Variants in ACADS observed in about 807,000 individuals in gnomAD.
ACADS encodes acyl-CoA dehydrogenase short chain, also known as short-chain specific acyl-CoA dehydrogenase, mitochondrial.
In ACADS, 28 loss-of-function variants were observed where a neutral mutation model predicts 46.8. That is an observed-to-expected ratio of 0.60 (90% CI 0.44 to 0.82). The LOEUF (loss-of-function observed/expected upper bound fraction) is 0.82, where lower values mean the gene tolerates loss of function less well. Among genes scored for constraint, ACADS ranks in the 40% least tolerant of loss-of-function variants. ACADS has a pLI of 0.00. For missense variants in ACADS, 528 were observed against 578.0 expected, an observed-to-expected ratio of 0.91 and a Z score of 0.89; for synonymous variants, 236 against 237.7, an observed-to-expected ratio of 0.99 and a Z score of 0.07.
Position 120,737,445 on chromosome 12 carries a change from C to T in ACADS, c.450C>T (p.Gly150=), listed in dbSNP as rs1325429821. 6.2e-7 allele frequency: 1 copy of T among 1,614,130 alleles called. No homozygotes were observed. Among genetic ancestry groups the T allele is most frequent in the Non-Finnish European group, 8.5e-7 (1 of 1,179,988 alleles). ...VTPFTSGDKI[G]CFALSEPGNG... Reference sequence around the variant, plus strand: ...CTTTCACCAGTGGTGACAAAATTGGCTGCTTTGCCCTCAGCGAACCAGGTA... The same window carrying T: ...CTTTCACCAGTGGTGACAAAATTGGTTGCTTTGCCCTCAGCGAACCAGGTA... Residue 150 remains glycine, a synonymous_variant, in exon 4 of 10, where the codon GGC becomes GGT. Coordinates refer to ENST00000242592, the MANE Select transcript of ACADS (RefSeq NM_000017.4).
chr12:120,727,966 G>T (rs370359088), intron 2 of ACADS, among the ~76,000 whole-genome samples: 4 of 151,186 alleles, frequency 2.6e-5, no homozygotes, highest in East Asian at 1.9e-4. Context: ...ATTTTTTTTT[G>T]AAATGGACTC....
rs575656842 is a variant in ACADS at position 120,733,851 on chromosome 12, A to AG, written c.211-3135_211-3134insG. ...AACATAGCAAGACCCCATCTCTACC[A>AG]AAAAAAAAAAAAAAAAATAGAAAAA... On this transcript the variant is annotated intron_variant, in intron 2 of 9. Coordinates refer to ENST00000242592, the MANE Select transcript of ACADS (RefSeq NM_000017.4). Among the ~76,000 whole-genome samples the AG allele has an allele frequency of 1.2e-4, 7 of 60,762 alleles. No homozygotes were observed. The South Asian group carries it at 1.6e-3, about 14-fold the overall frequency. 39.9% of individuals were successfully genotyped at this position (60,762 alleles called of 152,430 possible).
chr12:120,735,474 TC>T (rs1883405019), intron 2 of ACADS, among the ~76,000 whole-genome samples: 1 of 151,172 alleles, frequency 6.6e-6, no homozygotes, highest in Non-Finnish European at 1.5e-5. Flanking sequence ...CAGTCAGGCC[TC>T]AGAACAGTCC....
In ACADS at chr12:120,728,065, C is replaced by T. The variant is rs533533996; in HGVS notation, c.210+876C>T. 2.6e-5 allele frequency among the ~76,000 whole-genome samples: 4 copies of T among 152,246 alleles called. No homozygotes were observed. The highest frequency in any genetic ancestry group is 4.1e-4 in the South Asian group (2 of 4,830). On this transcript the variant is annotated intron_variant, in intron 2 of 9. Transcript: ENST00000242592. This position sits in a 1 kb window ranked among gnomAD's most constrained non-coding sequence, Gnocchi z 4.0. ...CTGGGTTCAAGCAATTCTCCTGCCTCGGCCCCCAGTAGCTGGGATTACAGG... is the reference window on the plus strand; with the variant it reads ...CTGGGTTCAAGCAATTCTCCTGCCTTGGCCCCCAGTAGCTGGGATTACAGG...
At chr12:120,734,951 C>T (rs988373700) in intron 2 of ACADS, among the ~76,000 whole-genome samples, 1 of 151,068 alleles carries the variant, frequency 6.6e-6, no homozygotes, top group Non-Finnish European at 1.5e-5. Context: ...ATGGTTTCAC[C>T]ACGTTGGCCA....
In ACADS at chr12:120,738,000, CAG is replaced by C. The variant is rs1343313474; in HGVS notation, c.624+17_624+18del. The C allele has an allele frequency of 3.1e-6, 5 of 1,613,456 alleles. No individual in the cohort carries two copies. Among genetic ancestry groups the C allele is most frequent in the African/African-American group, 1.3e-5 (1 of 74,934 alleles). Reference sequence around the variant, plus strand: ...CCCTGCAAAACAAGGTGGGCCCACCCAGAGAGGGGTTCAGCCGGATCCTGGGC... The same window carrying C: ...CCCTGCAAAACAAGGTGGGCCCACCCAGAGGGGTTCAGCCGGATCCTGGGC... On this transcript the variant is annotated intron_variant, in intron 5 of 9. Transcript: ENST00000242592.
rs1883164514 is a variant in ACADS, at chr12:120,728,830, C to T, written c.210+1641C>T. 6.6e-6 allele frequency among the ~76,000 whole-genome samples: 1 copy of T among 152,182 alleles called. No individual in the cohort carries two copies. Among genetic ancestry groups the T allele is most frequent in the Non-Finnish European group, 1.5e-5 (1 of 68,034 alleles). On this transcript the variant is annotated intron_variant, in intron 2 of 9. Coordinates refer to ENST00000242592, the MANE Select transcript of ACADS (RefSeq NM_000017.4). The surrounding 1 kb of genome is among the most constrained non-coding windows in gnomAD (Gnocchi z 4.0). Reference sequence around the variant, plus strand: ...CCTTAAAAATGAGTTTTAAAAGGGACGTAAAACATTGTTTTTATATGAGGG... The same window carrying T: ...CCTTAAAAATGAGTTTTAAAAGGGATGTAAAACATTGTTTTTATATGAGGG...
At chr12:120,737,331 C>T (rs775134915) in intron 3 of ACADS, 25 bp from the exon 4 acceptor site, 23 of 1,607,852 alleles carry the variant, frequency 1.4e-5, no homozygotes, top group South Asian at 3.3e-5. Flanking sequence ...CTGGGGCCTC[C>T]GACCGCTCCC....
chr12:120,735,271 CAAAAAAA>C (rs71076650), intron 2 of ACADS, among the ~76,000 whole-genome samples: 1,598 of 55,638 alleles, frequency 0.029, 52 homozygotes, highest in African/African-American at 0.13. Flanking sequence ...GACTCTGTTT[CAAAAAAA>C]AAAAAAAAAA....
intron 2 of ACADS, among the ~76,000 whole-genome samples, chr12:120,729,258 C>CTTTTT (rs137894149): frequency 8.1e-6 from 1 of 123,108 alleles, no homozygotes; most frequent in Non-Finnish European, 1.6e-5. Flanking sequence ...TTTCTTTTTT[C>CTTTTT]TTTTTTTTTT....
rs750210411 is a variant in ACADS, at chr12:120,737,007, G to C, written c.232G>C (p.Gly78Arg). 3.1e-6 allele frequency: 5 copies of C among 1,610,194 alleles called. No individual in the cohort carries two copies. The highest frequency in any genetic ancestry group is 4.2e-6 in the Non-Finnish European group (5 of 1,178,672). The change falls in exon 3 of 10, where the codon GGG (glycine) becomes CGG (arginine). Residue 78 changes from glycine (G) to arginine (R), a missense_variant. By Grantham distance (125) the Gly-to-Arg change is moderately radical. Coordinates refer to ENST00000242592, the MANE Select transcript of ACADS (RefSeq NM_000017.4). ...AAQVKKMGGL[G>R]LLAMDVPEEL... Reference sequence around the variant, plus strand: ...CCAGGTGAAGAAGATGGGCGGGCTTGGGCTTCTGGCCATGGACGTGCCCGA... The same window carrying C: ...CCAGGTGAAGAAGATGGGCGGGCTTCGGCTTCTGGCCATGGACGTGCCCGA...
At position 120,725,851 on chromosome 12, in the gene ACADS, G is replaced by A. The variant is rs1409352231; in HGVS notation, c.-35G>A. On this transcript the variant is annotated 5_prime_UTR_variant, in exon 1 of 10. Coordinates refer to ENST00000242592, the MANE Select transcript of ACADS (RefSeq NM_000017.4). ...ACTCCGGAACAGCGCGCTCGCAGCG[G>A]GAGGTCGCGAAGCCTGGGACTGTGT... The A allele has an allele frequency of 6.5e-7, 1 of 1,532,636 alleles. No homozygotes were observed. The allele number at this position is 1,532,636 out of a possible 1,614,324, so 94.9% of individuals were successfully genotyped here. A position where few individuals can be genotyped will look rare whatever the true frequency, so the allele number is the denominator to read the frequency against.
rs750672257 is a variant in ACADS at position 120,739,127 on chromosome 12, C to T, written c.1030-13C>T. ...CCCTCAAGGGAAGGCTCTGACTGTA[C>T]CCCCATGTTTAGGAGGCAGCCATGG... On this transcript the variant is annotated splice_polypyrimidine_tract_variant and intron_variant, in intron 8 of 9. Transcript: ENST00000242592. 6.2e-7 allele frequency: 1 copy of T among 1,613,014 alleles called. No individual in the cohort carries two copies. Among genetic ancestry groups the T allele is most frequent in the Admixed American group, 1.7e-5 (1 of 60,030 alleles).
chr12:120,735,272 A>AG (rs1259525147), intron 2 of ACADS, among the ~76,000 whole-genome samples: 1 of 75,530 alleles, frequency 1.3e-5, no homozygotes, highest in Non-Finnish European at 3.0e-5. Flanking sequence ...ACTCTGTTTC[A>AG]AAAAAAAAAA....
In ACADS at chr12:120,727,088, A is replaced by G. The variant is rs1431742956; in HGVS notation, c.109A>G (p.Thr37Ala). The change falls in exon 2 of 10, where the codon ACA becomes GCA. Residue 37 changes from threonine (T) to alanine (A), a missense_variant. Coordinates refer to ENST00000242592, the MANE Select transcript of ACADS (RefSeq NM_000017.4). The stretch of plus-strand genomic sequence containing the variant: ...CTACCAGTCTGTGGAACTGCCCGAG[A>G]CACACCAGATGTTGCTCCAGACATG... ...TIYQSVELPETHQMLLQTCRD... is the reference protein window; with the variant it reads ...TIYQSVELPEAHQMLLQTCRD... The G allele has an allele frequency of 6.2e-7, 1 of 1,614,208 alleles. No homozygotes were observed. Among genetic ancestry groups the G allele is most frequent in the Admixed American group, 1.7e-5 (1 of 60,028 alleles).
rs767769414 is a variant in ACADS at position 120,738,897 on chromosome 12, CAAG to C, written c.1015_1017del (p.Lys339del). The C allele has an allele frequency of 1.9e-6, 3 of 1,613,720 alleles. No homozygotes were observed. The South Asian group carries it at 3.3e-5, about 18-fold the overall frequency. On this transcript the variant is annotated inframe_deletion, in exon 8 of 10. Coordinates refer to ENST00000242592, the MANE Select transcript of ACADS (RefSeq NM_000017.4). Reference sequence around the variant, plus strand: ...GGCGCGCTGCCATGCTGAAGGATAACAAGAAGCCTTTCATCAAGGTGCCCACAG... The same window carrying C: ...GGCGCGCTGCCATGCTGAAGGATAACAAGCCTTTCATCAAGGTGCCCACAG...
chr12:120,737,594 G>A (rs902607684), intron 4 of ACADS, 127 bp downstream of exon 4: 33 of 1,109,868 alleles, frequency 3.0e-5, no homozygotes, highest in Non-Finnish European at 4.1e-5. Context: ...TTGGTAGGGT[G>A]AGCGCTCTTG....
intron 2 of ACADS, among the ~76,000 whole-genome samples, chr12:120,733,978 C>T (rs1337261141): frequency 1.3e-5 from 2 of 152,136 alleles, no homozygotes; most frequent in Admixed American, 6.5e-5. Context: ...ATCAAGGCAT[C>T]GGCAGGACTG....
intron 2 of ACADS, among the ~76,000 whole-genome samples, chr12:120,732,000 AG>A (rs1251194511): frequency 2.6e-5 from 4 of 152,256 alleles, no homozygotes; most frequent in African/African-American, 9.6e-5. Flanking sequence ...AATTTTTCTT[AG>A]TACAGAACGA....
Sources: gnomAD v4.1 joint callset for allele counts (sites outside exome capture counted in the v4.1 genomes callset) on GRCh38, gnomAD v4.1.1 for gene constraint, Gnocchi (gnomAD v3.1) non-coding constraint, MANE v1.5 for transcripts, NCBI Gene and HGNC (gene_info 2026-07-23, HGNC 2026-07-21) for gene names.